GRM3: variants seen among roughly 807,000 people sequenced by gnomAD.
GRM3 encodes the protein metabotropic glutamate receptor 3.
In GRM3, 26 loss-of-function variants were observed where a neutral mutation model predicts 70.5. The ratio of observed to expected loss-of-function variants is 0.37; its 90% CI spans 0.27 to 0.51. GRM3 has a LOEUF of 0.51. GRM3 is among the 20% of genes least tolerant of loss of function. The pLI is 0.93. For missense variants in GRM3, 859 were observed against 1,123.8 expected (o/e 0.76, Z 3.37); for synonymous variants, 443 against 434.9 (o/e 1.02, Z -0.23).
intron 4 of GRM3, among the ~76,000 whole-genome samples, chr7:86,841,144 C>T (rs1440605853): frequency 6.6e-6 from 1 of 152,044 alleles, no homozygotes; most frequent in African/African-American, 2.4e-5. Context: ...TACAATTGTT[C>T]TTTGCGAATT....
rs1225243792 is a variant in GRM3, at chr7:86,650,863, A to G, written c.-141+5991A>G. 3.3e-5 allele frequency among the ~76,000 whole-genome samples: 5 copies of G among 152,208 alleles called. No homozygotes were observed. The South Asian group carries it at 6.2e-4, about 19-fold the overall frequency. Reference sequence around the variant, plus strand: ...CTACCTACTTCCCACCAGGAAAACAAGCTGGTAAAAAAGTTTTGTAGTATA... The same window carrying G: ...CTACCTACTTCCCACCAGGAAAACAGGCTGGTAAAAAAGTTTTGTAGTATA... On this transcript the variant is annotated intron_variant, in intron 1 of 5. Transcript: ENST00000361669.
chr7:86,654,749 T>C (rs1001052082), intron 1 of GRM3, among the ~76,000 whole-genome samples: 6 of 152,210 alleles, frequency 3.9e-5, no homozygotes, highest in African/African-American at 1.4e-4. Flanking sequence ...TCTTTAACCA[T>C]TTATCTCCTT....
chr7:86,832,849 C>A (rs1699550661), intron 3 of GRM3, among the ~76,000 whole-genome samples: 1 of 152,074 alleles, frequency 6.6e-6, no homozygotes, highest in South Asian at 2.1e-4. Context: ...ATAAGCTAAC[C>A]CGAGAAATGA....
chr7:86,772,984 G>GTT (rs201370922), intron 2 of GRM3, among the ~76,000 whole-genome samples: 4 of 148,964 alleles, frequency 2.7e-5, no homozygotes, highest in African/African-American at 9.8e-5. Context: ...CTAAAACTGA[G>GTT]TTTTTTTTTT....
chr7:86,820,035 G>T (rs1000901640), intron 3 of GRM3, among the ~76,000 whole-genome samples: 4 of 152,022 alleles, frequency 2.6e-5, no homozygotes, highest in Non-Finnish European at 5.9e-5. Context: ...ATTTTTGATG[G>T]TATGAATTCA....
rs770070879 is a variant in GRM3, at chr7:86,664,225, T to A, written c.-141+19353T>A. On this transcript the variant is annotated intron_variant, in intron 1 of 5. Coordinates refer to ENST00000361669, the MANE Select transcript of GRM3 (RefSeq NM_000840.3). ...GGTCAGAATGGAACAGGTAGACCAGTTATGGGATTTTTTTTATTGTCTACA... is the reference window on the plus strand; with the variant it reads ...GGTCAGAATGGAACAGGTAGACCAGATATGGGATTTTTTTTATTGTCTACA... Among the ~76,000 whole-genome samples the A allele has an allele frequency of 1.0e-3, 159 of 151,832 alleles. 12 individuals are homozygous for A. The highest frequency in any genetic ancestry group is 6.5e-4 in the Non-Finnish European group (44 of 67,892).
intron 2 of GRM3, among the ~76,000 whole-genome samples, chr7:86,779,322 A>C (rs764072216): frequency 7.2e-5 from 11 of 152,230 alleles, no homozygotes; most frequent in Non-Finnish European, 1.5e-4. Context: ...TTAAAGATCC[A>C]CATTGCACAA....
chr7:86,771,697 T>C (rs1376463765), intron 2 of GRM3, among the ~76,000 whole-genome samples: 1 of 151,986 alleles, frequency 6.6e-6, no homozygotes, highest in African/African-American at 2.4e-5. Flanking sequence ...ATCAAGACCA[T>C]ACATAAAACA....
chr7:86,805,509 G>A (rs569457477), intron 3 of GRM3, among the ~76,000 whole-genome samples: 14 of 152,102 alleles, frequency 9.2e-5, no homozygotes, highest in Non-Finnish European at 1.8e-4. Flanking sequence ...TGTTTTAAGT[G>A]TAAAATAACA....
intron 5 of GRM3, among the ~76,000 whole-genome samples, chr7:86,852,633 C>T (rs1798775121): frequency 6.6e-6 from 1 of 152,076 alleles, no homozygotes; most frequent in Non-Finnish European, 1.5e-5. Context: ...ATTCAGACCT[C>T]ATTGTTTCAG....
At chr7:86,697,069 A>T (rs1290744277) in intron 1 of GRM3, among the ~76,000 whole-genome samples, 2 of 152,182 alleles carry the variant, frequency 1.3e-5, no homozygotes, top group Non-Finnish European at 2.9e-5. Flanking sequence ...ACTTATAGGT[A>T]TGTGTTAAAA....
chr7:86,645,984 C>G (rs2526953), intron 1 of GRM3, among the ~76,000 whole-genome samples: 24 of 12,742 alleles, frequency 1.9e-3, no homozygotes, highest in Middle Eastern at 0.05. Context: ...TTGTGGTGGG[C>G]GGGGGGGTGG....
intron 1 of GRM3, among the ~76,000 whole-genome samples, chr7:86,722,523 G>A (rs757248207): frequency 2.0e-5 from 3 of 146,388 alleles, no homozygotes; most frequent in East Asian, 2.0e-4. Flanking sequence ...AACACCACAC[G>A]TTCTCACTCC....
chr7:86,832,968 CT>C, intron 3 of GRM3: 1 of 973,436 alleles, frequency 1.0e-6, no homozygotes, highest in Non-Finnish European at 1.2e-6. Context: ...GGTTGTAAGT[CT>C]TTTATAAAAA....
At chr7:86,766,050 A>G (rs1233166644) in intron 2 of GRM3, among the ~76,000 whole-genome samples, 1 of 152,090 alleles carries the variant, frequency 6.6e-6, no homozygotes, top group Non-Finnish European at 1.5e-5. Context: ...CAGCTGTACA[A>G]AGCTCTTTCA....
chr7:86,793,470 T>C (rs1179720171), intron 3 of GRM3, among the ~76,000 whole-genome samples: 1 of 152,220 alleles, frequency 6.6e-6, no homozygotes. Flanking sequence ...GGAACATTTG[T>C]AGTTCCCACA....
At chr7:86,787,947 A>T (rs779455595) in intron 3 of GRM3, among the ~76,000 whole-genome samples, 35 of 152,334 alleles carry the variant, frequency 2.3e-4, no homozygotes, top group Middle Eastern at 3.4e-3. Flanking sequence ...TACATTCTCT[A>T]CTTAGGTACA....
At chr7:86,835,746 G>A (rs1304154056) in intron 3 of GRM3, among the ~76,000 whole-genome samples, 2 of 152,016 alleles carry the variant, frequency 1.3e-5, no homozygotes, top group African/African-American at 4.8e-5. Flanking sequence ...GAGTAGCTGG[G>A]AACACAGGCA....
intron 4 of GRM3, among the ~76,000 whole-genome samples, chr7:86,842,588 G>A (rs985606292): frequency 1.1e-4 from 16 of 152,206 alleles, no homozygotes; most frequent in South Asian, 4.1e-4. Context: ...GAGGAAAATC[G>A]TGTGGTTCGG....
Sources: gnomAD v4.1 joint callset for allele counts (sites outside exome capture counted in the v4.1 genomes callset) on GRCh38, gnomAD v4.1.1 for gene constraint, MANE v1.5 for transcripts, NCBI Gene and HGNC (gene_info 2026-07-23, HGNC 2026-07-21) for gene names.